Variants in FAF1 observed in about 807,000 individuals in gnomAD.
The protein encoded by FAF1 is Fas associated factor 1.
In FAF1, 25 loss-of-function variants were observed where a neutral mutation model predicts 92.5. The ratio of observed to expected loss-of-function variants is 0.27; its 90% confidence interval spans 0.20 to 0.38. The LOEUF is 0.38. Ranked by LOEUF, FAF1 falls within the 10% of genes least tolerant of loss-of-function variation. The pLI is 1.00. For missense variants in FAF1, 636 were observed against 793.3 expected (o/e 0.80, Z 2.38); for synonymous variants, 234 against 273.2 (o/e 0.86, Z 1.42).
chr1:50,958,700 A>G (rs1422510901), intron 1 of FAF1, among the ~76,000 whole-genome samples: 1 of 151,848 alleles, frequency 6.6e-6, no homozygotes, highest in African/African-American at 2.4e-5. Flanking sequence ...AAATTAATTA[A>G]TTTTAAAAAA....
chr1:50,785,689 G>A (rs546006485), intron 4 of FAF1, among the ~76,000 whole-genome samples: 1 of 152,054 alleles, frequency 6.6e-6, no homozygotes, highest in Non-Finnish European at 1.5e-5. Flanking sequence ...ACAAAGTTGG[G>A]GTTGGAATGT....
intron 6 of FAF1, among the ~76,000 whole-genome samples, chr1:50,718,507 A>G (rs1279522486): frequency 1.3e-5 from 2 of 152,212 alleles, no homozygotes; most frequent in Non-Finnish European, 2.9e-5. Flanking sequence ...CAGTGATTGA[A>G]ATCTCATTTC....
intron 2 of FAF1, among the ~76,000 whole-genome samples, chr1:50,812,719 G>A (rs1416505968): frequency 6.6e-6 from 1 of 152,096 alleles, no homozygotes; most frequent in African/African-American, 2.4e-5. Context: ...CATCATTACT[G>A]CGTATATACC....
chr1:50,831,644 G>A (rs1199365143), intron 2 of FAF1, among the ~76,000 whole-genome samples: 2 of 152,134 alleles, frequency 1.3e-5, no homozygotes, highest in African/African-American at 4.8e-5. Flanking sequence ...GCTTCCTATA[G>A]TGGGTTGAAT....
chr1:50,767,866 A>T (rs1660637318), intron 4 of FAF1, among the ~76,000 whole-genome samples: 1 of 152,230 alleles, frequency 6.6e-6, no homozygotes, highest in South Asian at 2.1e-4. Flanking sequence ...ATAGGCCATT[A>T]GCCCTACAAA....
Position 50,740,859 on chromosome 1 carries a change from T to C in FAF1, c.460-1905A>G, listed in dbSNP as rs1249027042. Among the ~76,000 whole-genome samples, 4 of 152,234 alleles carry C rather than the reference T, an allele frequency of 2.6e-5. No homozygotes were observed. In the South Asian group the frequency reaches 8.3e-4, roughly 32 times the overall value. ...AACACACACACACACACACAAATTA[T>C]TTTTCTCTTTTTATCTTTCATTGTT... is the stretch of plus-strand genomic sequence containing the variant. On this transcript the variant is annotated intron_variant, in intron 5 of 18. Coordinates refer to ENST00000396153, the MANE Select transcript of FAF1 (RefSeq NM_007051.3).
At chr1:50,723,589 A>G (rs1658503513) in intron 6 of FAF1, among the ~76,000 whole-genome samples, 1 of 152,028 alleles carries the variant, frequency 6.6e-6, no homozygotes, top group Non-Finnish European at 1.5e-5. Context: ...AGAAATTACC[A>G]AAAGAAAAAG....
intron 2 of FAF1, among the ~76,000 whole-genome samples, chr1:50,812,625 G>C (rs1227361633): frequency 6.6e-6 from 1 of 152,100 alleles, no homozygotes; most frequent in Non-Finnish European, 1.5e-5. Flanking sequence ...GCTGTTGGTG[G>C]CAATGTAACT....
At chr1:50,626,808 T>A (rs1653518898) in intron 8 of FAF1, among the ~76,000 whole-genome samples, 1 of 152,098 alleles carries the variant, frequency 6.6e-6, no homozygotes, top group Admixed American at 6.5e-5. Flanking sequence ...CAATAAACAG[T>A]CCACAATGAA....
At chr1:50,602,971 A>G (rs1347487556) in intron 8 of FAF1, among the ~76,000 whole-genome samples, 1 of 152,228 alleles carries the variant, frequency 6.6e-6, no homozygotes, top group Non-Finnish European at 1.5e-5. Flanking sequence ...TCTGCCAGGT[A>G]AGGATTATAA....
intron 15 of FAF1, among the ~76,000 whole-genome samples, chr1:50,493,861 T>G (rs550887242): frequency 1.3e-5 from 2 of 152,312 alleles, no homozygotes; most frequent in East Asian, 3.9e-4. Flanking sequence ...TATGCCACTA[T>G]GTACACGTAA....
intron 18 of FAF1, among the ~76,000 whole-genome samples, chr1:50,444,230 G>A (rs980559844): frequency 3.9e-5 from 6 of 152,184 alleles, no homozygotes; most frequent in African/African-American, 1.4e-4. Context: ...GTCCTGCAGT[G>A]CTCTGGGCCC....
chr1:50,550,904 T>C (rs942485818), intron 13 of FAF1, among the ~76,000 whole-genome samples: 8 of 152,094 alleles, frequency 5.3e-5, no homozygotes, highest in African/African-American at 1.7e-4. Context: ...GAACTGTAAA[T>C]GGTAAAATGT....
At chr1:50,582,783 A>G in intron 11 of FAF1, 84 bp from the exon 12 acceptor site, 1 of 867,780 alleles carries the variant, frequency 1.2e-6, no homozygotes, top group South Asian at 1.4e-5. Context: ...ACTTTTAAGT[A>G]AATGTTGGGG....
intron 4 of FAF1, among the ~76,000 whole-genome samples, chr1:50,764,341 G>T (rs1208408100): frequency 6.6e-6 from 1 of 152,128 alleles, no homozygotes; most frequent in East Asian, 1.9e-4. Context: ...TAAGGTCGAG[G>T]AATTGTTCAG....
At chr1:50,716,278 T>A (rs1658167751) in intron 6 of FAF1, among the ~76,000 whole-genome samples, 2 of 152,180 alleles carry the variant, frequency 1.3e-5, no homozygotes, top group African/African-American at 4.8e-5. Context: ...AGGAATTCCT[T>A]GAATCCAGAA....
chr1:50,658,552 T>C (rs941980633), intron 7 of FAF1, among the ~76,000 whole-genome samples: 2 of 152,250 alleles, frequency 1.3e-5, no homozygotes, highest in Admixed American at 6.5e-5. Flanking sequence ...AAGCATGTCC[T>C]GGCTATAGTG....
At chr1:50,848,603 CAT>C in intron 2 of FAF1, among the ~76,000 whole-genome samples, 1 of 152,346 alleles carries the variant, frequency 6.6e-6, no homozygotes, top group East Asian at 1.9e-4. Context: ...ATCTTAACCA[CAT>C]GTCAAAGTTA....
At chr1:50,950,299 T>TA (rs1472350597) in intron 1 of FAF1, among the ~76,000 whole-genome samples, 1 of 152,234 alleles carries the variant, frequency 6.6e-6, no homozygotes, top group Non-Finnish European at 1.5e-5. Flanking sequence ...TATGGAGGTG[T>TA]AACCACATAT....
Sources: allele counts gnomAD v4.1 joint callset (sites outside exome capture counted in the v4.1 genomes callset), GRCh38; gene constraint gnomAD v4.1.1; transcripts MANE v1.5; gene names NCBI Gene and HGNC (gene_info 2026-07-23, HGNC 2026-07-21).